Variants in CSPP1 observed in about 807,000 individuals in gnomAD.
CSPP1 encodes centrosome and spindle pole associated protein 1, also known as centrosome and spindle pole-associated protein 1.
CSPP1 carries 126 observed loss-of-function variants against 164.4 expected under a neutral mutation model. The ratio of observed to expected loss-of-function variants is 0.77; its 90% confidence interval spans 0.66 to 0.89. The LOEUF is 0.89. CSPP1 is among the 40% of genes least tolerant of loss of function. The pLI is 0.00. For missense variants in CSPP1, 1,395 were observed against 1,449.8 expected, an observed-to-expected ratio of 0.96 and a Z score of 0.61; for synonymous variants, 472 against 476.7, an observed-to-expected ratio of 0.99 and a Z score of 0.13.
At chr8:67,130,394 A>G (rs1021958611) in intron 15 of CSPP1, among the ~76,000 whole-genome samples, 19 of 152,222 alleles carry the variant, frequency 1.2e-4, no homozygotes, top group Non-Finnish European at 2.2e-4. Flanking sequence ...CCTGTCCACC[A>G]TATGATTTAT....
At chr8:67,172,137 C>T (rs930396783) in intron 24 of CSPP1, among the ~76,000 whole-genome samples, 3 of 151,626 alleles carry the variant, frequency 2.0e-5, no homozygotes, top group Non-Finnish European at 4.4e-5. Context: ...GCATGAGACA[C>T]CATGCCTGGC....
At chr8:67,082,493 T>C (rs551677672) in intron 3 of CSPP1, among the ~76,000 whole-genome samples, 1 of 152,308 alleles carries the variant, frequency 6.6e-6, no homozygotes, top group South Asian at 2.1e-4. Context: ...AATTTAAGAG[T>C]ACAGTGTCTC....
In CSPP1 at chr8:67,137,462, G is replaced by T. The variant is rs1225726214; in HGVS notation, c.1834G>T (p.Glu612Ter). The change falls in exon 17 of 31, where the codon GAA becomes TAA. Residue 612 changes from glutamate (E) to a stop codon, truncating the protein, a stop_gained. Coordinates refer to ENST00000678616, the MANE Select transcript of CSPP1 (RefSeq NM_001382391.1). LOFTEE classifies it high-confidence loss of function. The part of the protein sequence containing the change: ...YQEALQQQIR[E>*]REERRKKERE... ...TATATCTTATGTTGTCAAGATTCGG[G>T]AAAGAGAAGAAAGAAGGAAGAAAGA... 6.6e-7 allele frequency: 1 copy of T among 1,506,200 alleles called. No homozygotes were observed. The highest frequency in any genetic ancestry group is 1.4e-5 in the African/African-American group (1 of 70,918). The allele number at this position is 1,506,200 out of a possible 1,614,324, so 93.3% of individuals were successfully genotyped here.
intron 23 of CSPP1, 93 bp from the exon 24 acceptor site, chr8:67,164,298 G>T (rs1828905290): frequency 1.5e-6 from 1 of 664,170 alleles, no homozygotes; most frequent in Non-Finnish European, 2.7e-6. Flanking sequence ...TCTCTGAGCA[G>T]TTTCACTTTA....
At chr8:67,130,149 A>G (rs1193971446) in intron 15 of CSPP1, among the ~76,000 whole-genome samples, 4 of 152,180 alleles carry the variant, frequency 2.6e-5, no homozygotes, top group African/African-American at 9.7e-5. Context: ...GTATACTCTG[A>G]TTTTGGTATA....
intron 3 of CSPP1, among the ~76,000 whole-genome samples, chr8:67,077,873 C>T (rs1453209907): frequency 6.6e-6 from 1 of 152,174 alleles, no homozygotes; most frequent in South Asian, 2.1e-4. Flanking sequence ...ACAAATAGCT[C>T]AAAGTGAGTG....
At chr8:67,109,200 G>A (rs1816308268) in intron 9 of CSPP1, among the ~76,000 whole-genome samples, 1 of 152,168 alleles carries the variant, frequency 6.6e-6, no homozygotes, top group Non-Finnish European at 1.5e-5. Flanking sequence ...AATTCAGGTT[G>A]TTGGCAGAAT....
At chr8:67,065,484 T>A in intron 1 of CSPP1, 1 of 963,688 alleles carries the variant, frequency 1.0e-6, no homozygotes, top group Non-Finnish European at 1.2e-6. Flanking sequence ...TTAGGCTTTA[T>A]TCTGTGTGAA....
At chr8:67,092,812 CA>C (rs770519709) in intron 5 of CSPP1, among the ~76,000 whole-genome samples, 6 of 152,102 alleles carry the variant, frequency 3.9e-5, no homozygotes, top group Non-Finnish European at 8.8e-5. Context: ...AATTTAAGAA[CA>C]TTTTTTAATC....
At chr8:67,168,018 A>C (rs967917357) in intron 24 of CSPP1, among the ~76,000 whole-genome samples, 2 of 152,170 alleles carry the variant, frequency 1.3e-5, no homozygotes, top group Non-Finnish European at 2.9e-5. Context: ...TTGAGCACTG[A>C]GTGAACGAGA....
At chr8:67,092,667 GCTCCTGAC>G (rs1563531680) in intron 5 of CSPP1, among the ~76,000 whole-genome samples, 1 of 151,958 alleles carries the variant, frequency 6.6e-6, no homozygotes, top group African/African-American at 2.4e-5. Context: ...CTGGTCTCGA[GCTCCTGAC>G]CTCGTGATCC....
intron 1 of CSPP1, among the ~76,000 whole-genome samples, chr8:67,065,947 G>A (rs1443977427): frequency 6.6e-6 from 1 of 152,154 alleles, no homozygotes; most frequent in Non-Finnish European, 1.5e-5. Context: ...AGACAAATAT[G>A]AATTAACTGT....
At chr8:67,192,528 G>T (rs1003897998) in intron 29 of CSPP1, among the ~76,000 whole-genome samples, 4 of 152,152 alleles carry the variant, frequency 2.6e-5, no homozygotes, top group African/African-American at 7.2e-5. Context: ...TTGAAGCACA[G>T]AAGTTTTTAA....
chr8:67,106,005 T>C (rs1414009876), intron 9 of CSPP1, 30 bp downstream of exon 9: 1 of 1,101,774 alleles, frequency 9.1e-7, no homozygotes, highest in South Asian at 1.3e-5. Flanking sequence ...CTAGTTGCGC[T>C]TGTATAGAGT....
At position 67,177,713 on chromosome 8, in the gene CSPP1, G is replaced by A. The variant is rs371166744; in HGVS notation, c.3143G>A (p.Arg1048Gln). The A allele has an allele frequency of 1.2e-6, 2 of 1,611,352 alleles. No homozygotes were observed. Among genetic ancestry groups the A allele is most frequent in the African/African-American group, 1.3e-5 (1 of 74,850 alleles). Residue 1048 changes from arginine to glutamine, a missense_variant, in exon 27 of 31, where the codon CGA becomes CAA. Physicochemically the swap from Arg to Gln is conservative, Grantham distance 43 (BLOSUM62 1). Transcript: ENST00000678616. ...DLDAIPSAKVREQRMPRDDTS... is the reference protein window; with the variant it reads ...DLDAIPSAKVQEQRMPRDDTS... Reference sequence around the variant, plus strand: ...GATGCCATCCCAAGTGCTAAAGTACGAGAGCAAAGAATGGTAAGCAACCAG... The same window carrying A: ...GATGCCATCCCAAGTGCTAAAGTACAAGAGCAAAGAATGGTAAGCAACCAG...
At chr8:67,172,388 C>T in intron 24 of CSPP1, 28 bp from the exon 25 acceptor site, 1 of 1,584,626 alleles carries the variant, frequency 6.3e-7, no homozygotes, top group Non-Finnish European at 8.6e-7. Flanking sequence ...CTGTGAAGCA[C>T]ATATTATGAT....
At chr8:67,106,294 C>CT (rs567331696) in intron 9 of CSPP1, among the ~76,000 whole-genome samples, 2,209 of 146,988 alleles carry the variant, frequency 0.015, 23 homozygotes, top group South Asian at 0.022. Flanking sequence ...TTTCAGTAAT[C>CT]TTTTTTTTTT....
At chr8:67,168,709 A>G (rs1175754070) in intron 24 of CSPP1, among the ~76,000 whole-genome samples, 3 of 152,342 alleles carry the variant, frequency 2.0e-5, no homozygotes, top group Admixed American at 6.5e-5. Context: ...TTTCATGAAT[A>G]TATGTACAAA....
At chr8:67,163,240 A>G (rs1828711745) in intron 22 of CSPP1, among the ~76,000 whole-genome samples, 1 of 152,160 alleles carries the variant, frequency 6.6e-6, no homozygotes, top group Non-Finnish European at 1.5e-5. Flanking sequence ...GAGAGTAGGC[A>G]GTAGACCCAA....
Sources: gnomAD v4.1 joint callset for allele counts (sites outside exome capture counted in the v4.1 genomes callset) on GRCh38, gnomAD v4.1.1 for gene constraint, MANE v1.5 for transcripts, NCBI Gene and HGNC (gene_info 2026-07-23, HGNC 2026-07-21) for gene names.